SYNPO2: variants seen among roughly 807,000 people sequenced by gnomAD.
SYNPO2 encodes the protein synaptopodin 2.
In SYNPO2, 56 loss-of-function variants were observed where a neutral mutation model predicts 85.0. The ratio of observed to expected loss-of-function variants is 0.66; its 90% confidence interval spans 0.53 to 0.82. The LOEUF (loss-of-function observed/expected upper bound fraction) is 0.82, where lower values mean the gene tolerates loss of function less well. SYNPO2 is among the 40% of genes least tolerant of loss of function. The pLI is 0.00. For missense variants in SYNPO2, 1,575 were observed against 1,534.2 expected (o/e 1.03, Z -0.44); for synonymous variants, 602 against 591.1 (o/e 1.02, Z -0.27).
At chr4:118,971,416 C>A (rs1735536990) in intron 1 of SYNPO2, among the ~76,000 whole-genome samples, 1 of 152,184 alleles carries the variant, frequency 6.6e-6, no homozygotes, top group African/African-American at 2.4e-5. Context: ...TACATCCCAC[C>A]ATCCTTTTAG....
intron 1 of SYNPO2, among the ~76,000 whole-genome samples, chr4:118,916,175 GT>G (rs535415722): frequency 2.4e-3 from 340 of 141,968 alleles, no homozygotes; most frequent in Middle Eastern, 0.015. Flanking sequence ...GGTTTTTTGG[GT>G]TTTTTTTTTT....
rs1271152670 is a variant in SYNPO2, at chr4:119,030,264, A to G, written c.1489A>G (p.Lys497Glu). ...TTGKGALMFA[K>E]RRERMDQITA... is the part of the protein sequence containing the mutation. ...AGGCAAGGGAGCCCTCATGTTTGCC[A>G]AGAGGAGGGAGAGAATGGATCAGAT... The change falls in exon 4 of 5, where the codon AAG becomes GAG. Residue 497 changes from lysine (K) to glutamate (E), a missense_variant. Lys to Glu is a moderately conservative substitution (Grantham distance 56, BLOSUM62 1). Around this residue, in one of 3 missense-constraint regions of SYNPO2, gnomAD observed 1,508 missense variants for 1,446.8 expected, o/e 1.04. Coordinates refer to ENST00000307142, the MANE Select transcript of SYNPO2 (RefSeq NM_133477.3). 6.2e-7 allele frequency: 1 copy of G among 1,614,050 alleles called. No homozygotes were observed. Among genetic ancestry groups the G allele is most frequent in the Non-Finnish European group, 8.5e-7 (1 of 1,180,006 alleles).
At chr4:118,991,143 T>C (rs1043182066) in intron 1 of SYNPO2, among the ~76,000 whole-genome samples, 5 of 152,118 alleles carry the variant, frequency 3.3e-5, no homozygotes, top group African/African-American at 1.2e-4. Flanking sequence ...TGACCACTTT[T>C]TATTTATTTT....
At chr4:119,036,458 T>C in intron 4 of SYNPO2, 1 of 985,432 alleles carries the variant, frequency 1.0e-6, no homozygotes, top group Non-Finnish European at 1.2e-6. Context: ...TAGTCAACAA[T>C]TATTCTGGGA....
At chr4:118,987,773 C>T (rs1736273316) in intron 1 of SYNPO2, among the ~76,000 whole-genome samples, 1 of 152,028 alleles carries the variant, frequency 6.6e-6, no homozygotes, top group South Asian at 2.1e-4. Flanking sequence ...AGTGTTATTA[C>T]TCTGCTCCAT....
chr4:118,885,612 A>G (rs1732185430), upstream of SYNPO2, among the ~76,000 whole-genome samples: 1 of 151,990 alleles, frequency 6.6e-6, no homozygotes, highest in African/African-American at 2.4e-5. Flanking sequence ...AGCTGGGATT[A>G]CAGGTGTGCA....
At chr4:118,862,269 T>C (rs1461900992) in intron 1 of SYNPO2, among the ~76,000 whole-genome samples, 1 of 152,234 alleles carries the variant, frequency 6.6e-6, no homozygotes, top group African/African-American at 2.4e-5. Flanking sequence ...GATCATATCA[T>C]CTGAAACAAG....
chr4:118,894,403 C>G (rs1166028712), intron 1 of SYNPO2, among the ~76,000 whole-genome samples: 1 of 152,052 alleles, frequency 6.6e-6, no homozygotes, highest in Non-Finnish European at 1.5e-5. Context: ...TATTGGGAAG[C>G]TCCAAAATGA....
At chr4:118,879,097 C>T (rs566804905) in intron 1 of SYNPO2, among the ~76,000 whole-genome samples, 3 of 152,266 alleles carry the variant, frequency 2.0e-5, no homozygotes, top group South Asian at 4.1e-4. Flanking sequence ...CACTTCACTC[C>T]TGAAGTGAAC....
At chr4:118,877,731 A>C (rs1731955051) in intron 1 of SYNPO2, among the ~76,000 whole-genome samples, 1 of 152,232 alleles carries the variant, frequency 6.6e-6, no homozygotes, top group Admixed American at 6.5e-5. Context: ...TTGTGGAGAA[A>C]AGGGAACACT....
intron 1 of SYNPO2, among the ~76,000 whole-genome samples, chr4:118,920,897 C>CT (rs1327297096): frequency 2.9e-4 from 42 of 145,648 alleles, no homozygotes; most frequent in African/African-American, 3.0e-4. Flanking sequence ...TTCTTTTTTC[C>CT]TTTTTTTTTT....
At chr4:118,860,237 C>A (rs1302632376) in intron 1 of SYNPO2, among the ~76,000 whole-genome samples, 1 of 151,980 alleles carries the variant, frequency 6.6e-6, no homozygotes, top group Non-Finnish European at 1.5e-5. Context: ...TTGTGCACAA[C>A]CCCCCCGCCA....
intron 1 of SYNPO2, among the ~76,000 whole-genome samples, chr4:118,974,339 T>A (rs1336969902): frequency 6.6e-6 from 1 of 152,228 alleles, no homozygotes. Flanking sequence ...GGCTTTCTTG[T>A]TTGTGAATAT....
chr4:118,995,340 T>C (rs1736547723), intron 1 of SYNPO2, among the ~76,000 whole-genome samples: 1 of 152,182 alleles, frequency 6.6e-6, no homozygotes, highest in Non-Finnish European at 1.5e-5. Context: ...TATATTGAGC[T>C]CCAAGCCCAA....
intron 1 of SYNPO2, among the ~76,000 whole-genome samples, chr4:118,925,641 C>T (rs1480654944): frequency 3.9e-5 from 6 of 152,122 alleles, no homozygotes; most frequent in African/African-American, 1.4e-4. Flanking sequence ...TTATTAAAAT[C>T]TAATCCTAAT....
chr4:118,885,704 C>A (rs922868819), upstream of SYNPO2, among the ~76,000 whole-genome samples: 8 of 152,092 alleles, frequency 5.3e-5, no homozygotes, highest in African/African-American at 1.9e-4. Flanking sequence ...AGCTCCTGAC[C>A]TCAAGTGATC....
At chr4:119,032,990 A>C (rs1198859574) in intron 4 of SYNPO2, 1 of 984,108 alleles carries the variant, frequency 1.0e-6, no homozygotes, top group East Asian at 1.1e-4. Flanking sequence ...TTGCCCATGA[A>C]AGCATAAGTT....
intron 1 of SYNPO2, among the ~76,000 whole-genome samples, chr4:118,935,430 T>C (rs191592921): frequency 3.3e-4 from 50 of 152,382 alleles, no homozygotes; most frequent in Non-Finnish European, 6.0e-4. Context: ...ATGTTTGATT[T>C]TTAAATTTTT....
intron 1 of SYNPO2, among the ~76,000 whole-genome samples, chr4:118,991,916 G>A (rs1736432039): frequency 6.6e-6 from 1 of 152,184 alleles, no homozygotes; most frequent in Non-Finnish European, 1.5e-5. Context: ...GAATAAAACG[G>A]GGAGAGGATA....
Sources: allele counts gnomAD v4.1 joint callset (sites outside exome capture counted in the v4.1 genomes callset), GRCh38; gene constraint gnomAD v4.1.1; regional missense constraint gnomAD v4.1.1; transcripts MANE v1.5; gene names NCBI Gene and HGNC (gene_info 2026-07-23, HGNC 2026-07-21).